The following LRCH3 variants were observed in gnomAD, a reference collection of about 807,000 sequenced individuals.
The protein encoded by LRCH3 is leucine rich repeats and calponin homology domain containing 3.
Under a neutral mutation model 104.5 loss-of-function variants are expected in LRCH3, and 68 were observed. The observed-to-expected ratio is 0.65, with a 90% CI of 0.54 to 0.80. The LOEUF (loss-of-function observed/expected upper bound fraction) is 0.80. Among genes scored for constraint, LRCH3 ranks in the 30% least tolerant of loss-of-function variants. The pLI is 0.00. For synonymous variants in LRCH3, 344 were observed against 361.3 expected, an observed-to-expected ratio of 0.95 and a Z score of 0.54; for missense variants, 951 against 953.9, an observed-to-expected ratio of 1.00 and a Z score of 0.04.
rs998663963 is a variant in LRCH3, at chr3:197,854,720, T to A, written c.1644+275T>A. Among the ~76,000 whole-genome samples, 6 of 152,206 alleles carry A rather than the reference T, an allele frequency of 3.9e-5. No individual in the cohort carries two copies. The highest frequency in any genetic ancestry group is 8.8e-5 in the Non-Finnish European group (6 of 68,030). On this transcript the variant is annotated intron_variant, in intron 14 of 20. Coordinates refer to ENST00000425562, the MANE Select transcript of LRCH3 (RefSeq NM_001365715.1). This position sits in a 1 kb window ranked among gnomAD's most constrained non-coding sequence, Gnocchi z 4.5. The stretch of plus-strand genomic sequence containing the variant: ...TGGGAATGGAGGCATAACATAATAT[T>A]CATGTTTTAAATGTGTCTAATTCCA...
intron 8 of LRCH3, among the ~76,000 whole-genome samples, chr3:197,835,404 G>C (rs1376652501): frequency 6.8e-6 from 1 of 147,878 alleles, no homozygotes; most frequent in African/African-American, 2.5e-5. Flanking sequence ...GGCTTGCCTT[G>C]AACTCCTGAC....
At chr3:197,803,235 G>C (rs1732095877) in intron 1 of LRCH3, among the ~76,000 whole-genome samples, 1 of 152,184 alleles carries the variant, frequency 6.6e-6, no homozygotes, top group South Asian at 2.1e-4. Flanking sequence ...ATCTTAGTCA[G>C]ATAATGTGGT....
At chr3:197,807,317 C>CA (rs1732615173) in intron 1 of LRCH3, among the ~76,000 whole-genome samples, 1 of 151,302 alleles carries the variant, frequency 6.6e-6, no homozygotes, top group African/African-American at 2.4e-5. Flanking sequence ...CTCGGGTTCA[C>CA]ACCATTCTCC....
intron 8 of LRCH3, among the ~76,000 whole-genome samples, chr3:197,835,055 A>G (rs987080570): frequency 6.6e-6 from 1 of 152,116 alleles, no homozygotes; most frequent in Non-Finnish European, 1.5e-5. Flanking sequence ...GAGGCAGGAG[A>G]ATCGCTTGAA....
chr3:197,847,574 C>T, intron 11 of LRCH3, 114 bp downstream of exon 11: 1 of 710,688 alleles, frequency 1.4e-6, no homozygotes, highest in African/African-American at 2.6e-5. Context: ...TACTAGCTGT[C>T]TCAATCGATT....
chr3:197,827,849 T>C (rs889450985), intron 5 of LRCH3, among the ~76,000 whole-genome samples: 28 of 151,816 alleles, frequency 1.8e-4, no homozygotes, highest in African/African-American at 6.3e-4. Context: ...GAGGCCGAGG[T>C]GGGCAGATCA....
intron 17 of LRCH3, among the ~76,000 whole-genome samples, chr3:197,869,954 C>T (rs113944972): frequency 0.14 from 14,656 of 101,492 alleles, 898 homozygotes; most frequent in African/African-American, 0.21. Flanking sequence ...GCACTGTACC[C>T]GCAGGAGGTA....
chr3:197,817,329 CATGT>C lies in LRCH3; in HGVS notation c.534+28_534+31del. On this transcript the variant is annotated intron_variant, in intron 3 of 20. Transcript: ENST00000425562. Reference sequence around the variant, plus strand: ...TAAGTTAATATTTTTGATTGTCCAACATGTGTGTGTGTGTGTCTGTGTGTGTGTG... The same window carrying C: ...TAAGTTAATATTTTTGATTGTCCAACGTGTGTGTGTGTCTGTGTGTGTGTG... 5.4e-6 allele frequency: 7 copies of C among 1,293,998 alleles called. 1 individual carries two copies. The highest frequency in any genetic ancestry group is 7.4e-6 in the Non-Finnish European group (7 of 947,752). 80.2% of individuals were successfully genotyped at this position (1,293,998 alleles called of 1,614,324 possible). A position where few individuals can be genotyped will look rare whatever the true frequency, so the allele number is the denominator to read the frequency against.
intron 5 of LRCH3, among the ~76,000 whole-genome samples, chr3:197,827,964 C>G (rs1234645884): frequency 6.6e-6 from 1 of 151,382 alleles, no homozygotes; most frequent in African/African-American, 2.4e-5. Flanking sequence ...GTAGTCCCAG[C>G]TACTCAGGAG....
At chr3:197,841,607 A>G (rs1160845973) in intron 10 of LRCH3, among the ~76,000 whole-genome samples, 1 of 152,186 alleles carries the variant, frequency 6.6e-6, no homozygotes, top group Non-Finnish European at 1.5e-5. Context: ...CGTGGAAGCC[A>G]AAAGTCTGCC....
rs185985886 is a variant in LRCH3, at chr3:197,872,917, A to G, written c.2130+1455A>G. Among the ~76,000 whole-genome samples the G allele has an allele frequency of 6.3e-3, 955 of 152,336 alleles. 6 individuals carry two copies. Among genetic ancestry groups the G allele is most frequent in the Admixed American group, 0.01 (153 of 15,294 alleles). On this transcript the variant is annotated intron_variant, in intron 19 of 20. Transcript: ENST00000425562. ...AATTAAAAGGCTGTTGTATTAGTCC[A>G]GGCCAGGAAGATAACAAGCCGGGAC...
chr3:197,866,345 T>C, intron 17 of LRCH3, 126 bp downstream of exon 17: 2 of 669,806 alleles, frequency 3.0e-6, no homozygotes, highest in Non-Finnish European at 2.7e-6. Context: ...GGCAAAAGCA[T>C]GTGTCTGTGA....
chr3:197,795,724 G>A lies in LRCH3; in HGVS notation c.262+4184G>A, dbSNP rs537430690. 4.0e-3 allele frequency among the ~76,000 whole-genome samples: 464 copies of A among 116,058 alleles called. 1 individual carries two copies. Among genetic ancestry groups the A allele is most frequent in the African/African-American group, 0.015 (435 of 28,796 alleles). 76.1% of individuals were successfully genotyped at this position (116,058 alleles called of 152,430 possible). A position where few individuals can be genotyped will look rare whatever the true frequency, so the allele number is the denominator to read the frequency against. On this transcript the variant is annotated intron_variant, in intron 1 of 20. Coordinates refer to ENST00000425562, the MANE Select transcript of LRCH3 (RefSeq NM_001365715.1). ...TTTTTTTTTTTTGAGATGGAGTCTC[G>A]CTCTGTCACCCAGGCTGGAGTGCAG...
Position 197,830,818 on chromosome 3 carries a change from C to G in LRCH3, c.936C>G (p.Gly312=). Residue 312 remains glycine (G), a synonymous_variant, in exon 7 of 21, where the codon GGC becomes GGG. Transcript: ENST00000425562. ...SSRPYGALDS[G]FNSVDSGDKR... is the part of the protein sequence containing the mutation. ...GCCCTTATGGAGCCCTTGATTCAGG[C>G]TTCAATAGTGTGGACAGTGGTGATA... The G allele has an allele frequency of 6.2e-7, 1 of 1,614,036 alleles. No homozygotes were observed. Among genetic ancestry groups the G allele is most frequent in the East Asian group, 2.2e-5 (1 of 44,876 alleles).
At chr3:197,823,623 G>A (rs1734757793) in intron 4 of LRCH3, among the ~76,000 whole-genome samples, 1 of 151,798 alleles carries the variant, frequency 6.6e-6, no homozygotes, top group Admixed American at 6.6e-5. Flanking sequence ...CAAGTAGCTG[G>A]GACTGCAGAC....
chr3:197,883,327 G>C lies in LRCH3; in HGVS notation c.2209-214G>C, dbSNP rs1305180427. On this transcript the variant is annotated intron_variant, in intron 20 of 20. Coordinates refer to ENST00000425562, the MANE Select transcript of LRCH3 (RefSeq NM_001365715.1). This position sits in a 1 kb window ranked among gnomAD's most constrained non-coding sequence, Gnocchi z 4.2. Reference sequence around the variant, plus strand: ...AATTTTCCAATTTTGAAAATGATCTGTATGTACTTTTAGTTGTATTAATAA... The same window carrying C: ...AATTTTCCAATTTTGAAAATGATCTCTATGTACTTTTAGTTGTATTAATAA... 7.4e-7 allele frequency: 1 copy of C among 1,353,054 alleles called. No homozygotes were observed. The highest frequency in any genetic ancestry group is 3.4e-5 in the Admixed American group (1 of 29,796). The allele number at this position is 1,353,054 out of a possible 1,614,324, so 83.8% of individuals were successfully genotyped here. A position where few individuals can be genotyped will look rare whatever the true frequency, so the allele number is the denominator to read the frequency against.
rs1391735243 is a variant in LRCH3 at position 197,815,132 on chromosome 3, C to CTA, written c.407+88_407+89dup. ...TTTCCCCTTTCCCTAAAATATTTACCTATATATATGCTATCTATTCATATC... is the reference window on the plus strand; with the variant it reads ...TTTCCCCTTTCCCTAAAATATTTACCTATATATATATGCTATCTATTCATATC... On this transcript the variant is annotated intron_variant, in intron 2 of 20. Coordinates refer to ENST00000425562, the MANE Select transcript of LRCH3 (RefSeq NM_001365715.1). 10 of 822,818 alleles carry CTA rather than the reference C, an allele frequency of 1.2e-5. No homozygotes were observed. In the East Asian group the frequency reaches 2.0e-4, roughly 16 times the overall value. 51.0% of individuals were successfully genotyped at this position (822,818 alleles called of 1,614,324 possible). A position where few individuals can be genotyped will look rare whatever the true frequency, so the allele number is the denominator to read the frequency against.
rs190074052 is a variant in LRCH3 at position 197,881,628 on chromosome 3, C to G, written c.2209-1913C>G. The stretch of plus-strand genomic sequence containing the variant: ...TCAAGGCAGTGAATATTGTCTAGCT[C>G]TTTCAGAATGCGTAGCACTTAGCTG... On this transcript the variant is annotated intron_variant, in intron 20 of 20. Coordinates refer to ENST00000425562, the MANE Select transcript of LRCH3 (RefSeq NM_001365715.1). 8 of 985,486 alleles carry G rather than the reference C, an allele frequency of 8.1e-6. No individual in the cohort carries two copies. The Admixed American group carries it at 4.9e-4, about 60-fold the overall frequency. The allele number at this position is 985,486 out of a possible 1,614,324, so 61.0% of individuals were successfully genotyped here. A position where few individuals can be genotyped will look rare whatever the true frequency, so the allele number is the denominator to read the frequency against.
chr3:197,824,700 T>A (rs1164791380), intron 4 of LRCH3, among the ~76,000 whole-genome samples: 1 of 150,992 alleles, frequency 6.6e-6, no homozygotes, highest in Non-Finnish European at 1.5e-5. Flanking sequence ...GCCTCCCAAG[T>A]AGCTGGGATT....
Sources: gnomAD v4.1 joint callset for allele counts (sites outside exome capture counted in the v4.1 genomes callset) on GRCh38, gnomAD v4.1.1 for gene constraint, Gnocchi (gnomAD v3.1) non-coding constraint, MANE v1.5 for transcripts, NCBI Gene and HGNC (gene_info 2026-07-23, HGNC 2026-07-21) for gene names.